The following CRPPA variants were observed in gnomAD, a reference collection of about 807,000 sequenced individuals.
The protein encoded by CRPPA is D-ribitol-5-phosphate cytidylyltransferase.
CRPPA carries 43 observed loss-of-function variants against 52.0 expected under a neutral mutation model. The observed-to-expected ratio is 0.83, with a 90% confidence interval of 0.65 to 1.07. The LOEUF is 1.07. Ranked by LOEUF, CRPPA falls within the 50% of genes least tolerant of loss-of-function variation. The pLI is 0.00. For missense variants in CRPPA, 629 were observed against 551.7 expected (o/e 1.14, Z -1.40); for synonymous variants, 250 against 203.5 (o/e 1.23, Z -1.94).
intron 6 of CRPPA, among the ~76,000 whole-genome samples, chr7:16,275,820 C>T (rs1583486214): frequency 1.4e-5 from 2 of 147,804 alleles, no homozygotes; most frequent in Admixed American, 1.3e-4. Flanking sequence ...CGGAAAAAAA[C>T]AAAAACAAAA....
chr7:16,146,207 CA>C (rs531464213), intron 9 of CRPPA, among the ~76,000 whole-genome samples: 107 of 137,450 alleles, frequency 7.8e-4, no homozygotes, highest in East Asian at 3.4e-3. Context: ...TCCAACAAAC[CA>C]AAAAAAAAAA....
At chr7:16,284,042 G>C (rs1421610647) in intron 5 of CRPPA, among the ~76,000 whole-genome samples, 1 of 151,994 alleles carries the variant, frequency 6.6e-6, no homozygotes, top group African/African-American at 2.4e-5. Context: ...AGAGACCAAA[G>C]AACGATTTCT....
chr7:16,216,893 T>C (rs1782338793), intron 8 of CRPPA, among the ~76,000 whole-genome samples: 1 of 151,956 alleles, frequency 6.6e-6, no homozygotes, highest in African/African-American at 2.4e-5. Flanking sequence ...CAGGCTTGCT[T>C]AGGTAAACAA....
At chr7:16,360,954 T>A (rs777209079) in intron 3 of CRPPA, among the ~76,000 whole-genome samples, 1 of 152,170 alleles carries the variant, frequency 6.6e-6, no homozygotes, top group Non-Finnish European at 1.5e-5. Flanking sequence ...GAAGAGAATA[T>A]GTATAAATCA....
At chr7:16,302,539 C>G (rs1319479023) in intron 4 of CRPPA, among the ~76,000 whole-genome samples, 4 of 151,962 alleles carry the variant, frequency 2.6e-5, no homozygotes. Context: ...GTCTTAAAAG[C>G]TACATTCAAG....
At chr7:16,418,391 C>T (rs1432393509) in intron 1 of CRPPA, among the ~76,000 whole-genome samples, 3 of 152,140 alleles carry the variant, frequency 2.0e-5, no homozygotes, top group African/African-American at 7.2e-5. Context: ...ATAAACAAGG[C>T]CTTTCCAAAC....
Position 16,170,770 on chromosome 7 carries a change from G to C in CRPPA, c.1251+45296C>G, listed in dbSNP as rs150318261. ...CCGTGAGAATTCAAGCGGGGTACAGGTGGGCCAGCAGTGCTGGGGGACCTG... is the reference window on the plus strand; with the variant it reads ...CCGTGAGAATTCAAGCGGGGTACAGCTGGGCCAGCAGTGCTGGGGGACCTG... On this transcript the variant is annotated intron_variant, in intron 9 of 9. Coordinates refer to ENST00000407010, the MANE Select transcript of CRPPA (RefSeq NM_001101426.4). Among the ~76,000 whole-genome samples the C allele has an allele frequency of 6.7e-3, 1,019 of 152,298 alleles. 13 individuals are homozygous for C. The highest frequency in any genetic ancestry group is 0.023 in the African/African-American group (976 of 41,582).
chr7:16,327,945 T>G (rs6959691), intron 3 of CRPPA, among the ~76,000 whole-genome samples: 1 of 151,844 alleles, frequency 6.6e-6, no homozygotes, highest in African/African-American at 2.4e-5. Context: ...CACCACCACA[T>G]ATTGTCTTTG....
At chr7:16,126,273 T>C (rs1361066261) in intron 9 of CRPPA, among the ~76,000 whole-genome samples, 5 of 152,160 alleles carry the variant, frequency 3.3e-5, no homozygotes, top group Non-Finnish European at 5.9e-5. Flanking sequence ...AATGAAATCA[T>C]GTGGGCACTT....
At chr7:16,338,035 CACT>C (rs796562150) in intron 3 of CRPPA, among the ~76,000 whole-genome samples, 1 of 152,210 alleles carries the variant, frequency 6.6e-6, no homozygotes, top group African/African-American at 2.4e-5. Context: ...CAGACAAGGA[CACT>C]ACAAGAAAAC....
intron 3 of CRPPA, among the ~76,000 whole-genome samples, chr7:16,348,980 A>C (rs1180381546): frequency 6.6e-6 from 1 of 152,218 alleles, no homozygotes; most frequent in Non-Finnish European, 1.5e-5. Context: ...GACATATAAC[A>C]GGACCCCTTC....
chr7:16,323,245 A>G (rs955379201), intron 3 of CRPPA, among the ~76,000 whole-genome samples: 1 of 152,180 alleles, frequency 6.6e-6, no homozygotes, highest in African/African-American at 2.4e-5. Context: ...ATTATGCAGC[A>G]TATTTAATGT....
At chr7:16,274,083 T>A (rs1384265561) in intron 6 of CRPPA, among the ~76,000 whole-genome samples, 1 of 152,202 alleles carries the variant, frequency 6.6e-6, no homozygotes, top group African/African-American at 2.4e-5. Flanking sequence ...GGAGTCTCGC[T>A]CTGTCGCCCA....
intron 9 of CRPPA, chr7:16,208,927 A>G (rs1782040935): frequency 2.9e-6 from 1 of 343,242 alleles, no homozygotes; most frequent in Non-Finnish European, 5.8e-6. Context: ...TTTCCATGCC[A>G]ATAGCATTCC....
intron 2 of CRPPA, among the ~76,000 whole-genome samples, chr7:16,389,913 C>CAAAAAAAAAAA (rs1163092089): frequency 0.019 from 662 of 34,092 alleles, 6 homozygotes; most frequent in Non-Finnish European, 0.024. Flanking sequence ...GCCTAGTATA[C>CAAAAAAAAAAA]AAAAAAAAAA....
At chr7:16,177,131 G>C (rs544291266) in intron 9 of CRPPA, among the ~76,000 whole-genome samples, 3 of 152,206 alleles carry the variant, frequency 2.0e-5, no homozygotes, top group Admixed American at 2.0e-4. Flanking sequence ...GAAATCAATA[G>C]TTGGCAGGCT....
In CRPPA at chr7:16,328,047, A is replaced by G. The variant is rs77470619; in HGVS notation, c.685-19420T>C. 6.9e-3 allele frequency among the ~76,000 whole-genome samples: 1,045 copies of G among 152,288 alleles called. 16 individuals are homozygous for G. Among genetic ancestry groups the G allele is most frequent in the African/African-American group, 0.025 (1,020 of 41,562 alleles). ...TCCTGTTTTTGTTTCTCCTTTCATCATATCTAATGCTTTTAAAATCTACAT... is the reference window on the plus strand; with the variant it reads ...TCCTGTTTTTGTTTCTCCTTTCATCGTATCTAATGCTTTTAAAATCTACAT... On this transcript the variant is annotated intron_variant, in intron 3 of 9. Coordinates refer to ENST00000407010, the MANE Select transcript of CRPPA (RefSeq NM_001101426.4).
chr7:16,194,669 A>C (rs1781691022), intron 9 of CRPPA, among the ~76,000 whole-genome samples: 1 of 152,266 alleles, frequency 6.6e-6, no homozygotes, highest in Middle Eastern at 3.4e-3. Context: ...TTCTTACACA[A>C]ACCAATTGAA....
intron 9 of CRPPA, among the ~76,000 whole-genome samples, chr7:16,162,417 C>T (rs1275856284): frequency 6.6e-6 from 1 of 151,764 alleles, no homozygotes; most frequent in Non-Finnish European, 1.5e-5. Flanking sequence ...CTGATTTCTG[C>T]CTTAATTTTG....
Sources: allele counts gnomAD v4.1 joint callset (sites outside exome capture counted in the v4.1 genomes callset), GRCh38; gene constraint gnomAD v4.1.1; transcripts MANE v1.5; gene names NCBI Gene and HGNC (gene_info 2026-07-23, HGNC 2026-07-21).